Variants in PBX1 observed in about 807,000 individuals in gnomAD.
The protein encoded by PBX1 is PBX homeobox 1, also known as pre-B-cell leukemia transcription factor 1.
PBX1 carries 6 observed loss-of-function variants against 53.4 expected under a neutral mutation model. The ratio of observed to expected loss-of-function variants is 0.11; its 90% CI spans 0.06 to 0.22. PBX1 has a LOEUF of 0.22. Ranked by LOEUF, PBX1 falls within the 10% of genes least tolerant of loss-of-function variation. The pLI is 1.00. For missense variants in PBX1, 251 were observed against 551.4 expected (o/e 0.46, Z 5.46); for synonymous variants, 204 against 212.3 (o/e 0.96, Z 0.34).
chr1:164,636,459 T>C (rs1167008724), intron 2 of PBX1, among the ~76,000 whole-genome samples: 1 of 152,238 alleles, frequency 6.6e-6, no homozygotes, highest in East Asian at 1.9e-4. Flanking sequence ...TGAAATTGGC[T>C]TTTTATTTTT....
At chr1:164,650,006 A>C (rs1659692691) in intron 2 of PBX1, among the ~76,000 whole-genome samples, 1 of 152,104 alleles carries the variant, frequency 6.6e-6, no homozygotes, top group African/African-American at 2.4e-5. Context: ...TGAGGAAGGG[A>C]GAGAAAGAGT....
intron 2 of PBX1, among the ~76,000 whole-genome samples, chr1:164,871,166 A>G (rs1430146454): frequency 6.6e-6 from 1 of 152,364 alleles, no homozygotes; most frequent in Middle Eastern, 3.4e-3. Flanking sequence ...AAAACTAGAA[A>G]AATGTACTCA....
chr1:164,642,650 A>C (rs1274263300), intron 2 of PBX1: 2 of 152,200 alleles, frequency 1.3e-5, no homozygotes, highest in Non-Finnish European at 2.9e-5. Flanking sequence ...AGTTCCTTTA[A>C]TATCAGCAAG....
At chr1:164,753,599 C>A (rs1439766751) in intron 2 of PBX1, among the ~76,000 whole-genome samples, 3 of 152,346 alleles carry the variant, frequency 2.0e-5, no homozygotes, top group East Asian at 1.9e-4. Flanking sequence ...CACTTGACTT[C>A]GTGCAGGTCG....
At chr1:164,688,083 C>T (rs1174023127) in intron 2 of PBX1, among the ~76,000 whole-genome samples, 2 of 152,170 alleles carry the variant, frequency 1.3e-5, no homozygotes, top group African/African-American at 4.8e-5. Context: ...CCGGGGGACA[C>T]CTGCCTCTCC....
chr1:164,767,747 G>A (rs979097256), intron 2 of PBX1, among the ~76,000 whole-genome samples: 2 of 152,060 alleles, frequency 1.3e-5, no homozygotes, highest in Non-Finnish European at 2.9e-5. Flanking sequence ...TGTAGATAAG[G>A]CTCATTCTTA....
intron 2 of PBX1, among the ~76,000 whole-genome samples, chr1:164,780,734 T>C (rs1437648388): frequency 1.3e-5 from 2 of 152,192 alleles, no homozygotes; most frequent in Non-Finnish European, 2.9e-5. Flanking sequence ...CATGAGATGT[T>C]ATCTCTTTTA....
intron 4 of PBX1, among the ~76,000 whole-genome samples, chr1:164,807,163 A>G (rs1669400476): frequency 6.6e-6 from 1 of 152,186 alleles, no homozygotes; most frequent in Admixed American, 6.5e-5. Flanking sequence ...AGGCTGAGAC[A>G]GGAGAATCAC....
intron 8 of PBX1, among the ~76,000 whole-genome samples, chr1:164,841,565 C>A (rs1322526614): frequency 6.6e-6 from 1 of 152,134 alleles, no homozygotes; most frequent in Non-Finnish European, 1.5e-5. Context: ...GTAAAATTCC[C>A]CAGGAAATTT....
chr1:164,820,925 A>G (rs1010704394), intron 7 of PBX1, among the ~76,000 whole-genome samples: 2 of 152,230 alleles, frequency 1.3e-5, no homozygotes, highest in African/African-American at 2.4e-5. Flanking sequence ...CATGTGGAAC[A>G]AGAAGCATTA....
At chr1:164,611,853 A>G (rs1213405515) in intron 2 of PBX1, among the ~76,000 whole-genome samples, 1 of 152,018 alleles carries the variant, frequency 6.6e-6, no homozygotes, top group Non-Finnish European at 1.5e-5. Context: ...TCCCACTAAC[A>G]TTTCTCGCAT....
intron 4 of PBX1, among the ~76,000 whole-genome samples, chr1:164,805,047 T>C (rs1342540177): frequency 6.6e-6 from 1 of 152,194 alleles, no homozygotes; most frequent in African/African-American, 2.4e-5. Flanking sequence ...CTGTGATGTC[T>C]ACACATCTCA....
At chr1:164,791,387 G>C (rs1255646455) in intron 2 of PBX1, among the ~76,000 whole-genome samples, 1 of 152,160 alleles carries the variant, frequency 6.6e-6, no homozygotes, top group Non-Finnish European at 1.5e-5. Context: ...TGAAACCCTG[G>C]AGACAGCTTG....
intron 2 of PBX1, among the ~76,000 whole-genome samples, chr1:164,745,663 G>T (rs1294999218): frequency 6.6e-6 from 1 of 152,162 alleles, no homozygotes; most frequent in African/African-American, 2.4e-5. Flanking sequence ...CCAGCTACAG[G>T]CTGGGCTAAA....
intron 2 of PBX1, among the ~76,000 whole-genome samples, chr1:164,782,389 T>C (rs531543445): frequency 1.9e-4 from 29 of 152,298 alleles, no homozygotes; most frequent in Non-Finnish European, 1.5e-5. Context: ...TTCAATCTTA[T>C]TGGGAAGGAA....
intron 2 of PBX1, chr1:164,641,783 T>C (rs1659162533): frequency 6.6e-6 from 1 of 152,234 alleles, no homozygotes. Flanking sequence ...CTCCAAATGG[T>C]GTGAACATCT....
chr1:164,835,880 C>G (rs886853500), intron 8 of PBX1, among the ~76,000 whole-genome samples: 14 of 152,134 alleles, frequency 9.2e-5, no homozygotes, highest in Non-Finnish European at 1.9e-4. Context: ...TTAATTAACC[C>G]TACAATCTGA....
At chr1:164,780,646 A>C (rs139819348) in intron 2 of PBX1, among the ~76,000 whole-genome samples, 1,625 of 152,294 alleles carry the variant, frequency 0.011, 15 homozygotes, top group Non-Finnish European at 0.018. Flanking sequence ...ACAGGAAATG[A>C]TGGCTCCATG....
At position 164,820,155 on chromosome 1, in the gene PBX1, G is replaced by T. The variant is rs780672150; in HGVS notation, c.1081G>T (p.Ala361Ser). The T allele has an allele frequency of 3.1e-6, 5 of 1,613,084 alleles. No individual in the cohort carries two copies. The African/African-American group carries it at 5.3e-5, about 17-fold the overall frequency. Residue 361 changes from alanine to serine, a missense_variant, in exon 7 of 9, where the codon GCC (alanine) becomes TCC (serine). By Grantham distance (99) the Ala-to-Ser change is moderately conservative. Around this residue, in one of 4 missense-constraint regions of PBX1, gnomAD observed 92 missense variants for 130.4 expected, o/e 0.71. Transcript: ENST00000420696. ...ACTCAATGGGGATTCTTACCAAGGG[G>T]CCCAGGTTGGAGCCAACGTGCAATC... ...QSLNGDSYQGAQVGANVQSQV... is the reference protein window; with the variant it reads ...QSLNGDSYQGSQVGANVQSQV...
Sources: gnomAD v4.1 joint callset for allele counts (sites outside exome capture counted in the v4.1 genomes callset) on GRCh38, gnomAD v4.1.1 for gene constraint, gnomAD v4.1.1 regional missense constraint, MANE v1.5 for transcripts, NCBI Gene and HGNC (gene_info 2026-07-23, HGNC 2026-07-21) for gene names.